Variants in RIPOR3 observed in about 807,000 individuals in gnomAD.
The protein encoded by RIPOR3 is family with sequence similarity 65 member C.
In RIPOR3, 95 loss-of-function variants were observed where a neutral mutation model predicts 114.3. That is an observed-to-expected ratio of 0.83 (90% CI 0.70 to 0.99). The LOEUF is 0.99. Among genes scored for constraint, RIPOR3 ranks in the 50% least tolerant of loss-of-function variants. RIPOR3 has a pLI of 0.00. For synonymous variants in RIPOR3, 575 were observed against 543.8 expected (o/e 1.06, Z -0.80); for missense variants, 1,252 against 1,266.9 (o/e 0.99, Z 0.18).
At chr20:50,631,849 T>C (rs2123259485) in intron 1 of RIPOR3, among the ~76,000 whole-genome samples, 2 of 152,320 alleles carry the variant, frequency 1.3e-5, no homozygotes, top group Admixed American at 1.3e-4. Flanking sequence ...AAAGTTCTGC[T>C]TCATATCTAA....
chr20:50,648,658 AG>A (rs2085500344), intron 1 of RIPOR3, among the ~76,000 whole-genome samples: 1 of 151,966 alleles, frequency 6.6e-6, no homozygotes, highest in Non-Finnish European at 1.5e-5. Flanking sequence ...GGGAGCCCTG[AG>A]CTTGTTTTCC....
rs2083287404 is a variant in RIPOR3 at position 50,596,283 on chromosome 20, G to A, written c.1791-20C>T. On this transcript the variant is annotated intron_variant, in intron 14 of 21. Transcript: ENST00000327979. ...TCCTTTCTGAGTTGAATTGAGAACTGGGTGACCATTCCAGTTAGCAGTTCA... is the reference window on the plus strand; with the variant it reads ...TCCTTTCTGAGTTGAATTGAGAACTAGGTGACCATTCCAGTTAGCAGTTCA... 6.2e-7 allele frequency: 1 copy of A among 1,613,990 alleles called. No homozygotes were observed. Among genetic ancestry groups the A allele is most frequent in the East Asian group, 2.2e-5 (1 of 44,882 alleles).
At chr20:50,603,618 G>C (rs539461930) in intron 12 of RIPOR3, among the ~76,000 whole-genome samples, 23 of 152,342 alleles carry the variant, frequency 1.5e-4, no homozygotes, top group South Asian at 4.1e-4. Flanking sequence ...CTGTCATTAA[G>C]TATTCTGAGG....
At position 50,609,664 on chromosome 20, in the gene RIPOR3, C is replaced by A. The variant is rs758356790; in HGVS notation, c.485G>T (p.Ser162Ile). The A allele has an allele frequency of 7.2e-7, 1 of 1,394,642 alleles. No homozygotes were observed. The highest frequency in any genetic ancestry group is 1.8e-5 in the South Asian group (1 of 57,034). The allele number at this position is 1,394,642 out of a possible 1,614,324, so 86.4% of individuals were successfully genotyped here. A position where few individuals can be genotyped will look rare whatever the true frequency, so the allele number is the denominator to read the frequency against. ...IQCRLRDGAS[S>I]MQRAFARCPP... ...GCACCGGGCGAAGGCCCGCTGCATGCTGGAGGCGCCGTCGCGCAGGCGGCA... is the reference window on the plus strand; with the variant it reads ...GCACCGGGCGAAGGCCCGCTGCATGATGGAGGCGCCGTCGCGCAGGCGGCA... The change falls in exon 7 of 22, where the codon AGC (serine) becomes ATC (isoleucine). Residue 162 changes from serine to isoleucine, a missense_variant. Physicochemically the swap from Ser to Ile is moderately radical, Grantham distance 142. Coordinates refer to ENST00000327979, the MANE Select transcript of RIPOR3 (RefSeq NM_001290268.2).
intron 1 of RIPOR3, among the ~76,000 whole-genome samples, chr20:50,660,779 G>C (rs1381552763): frequency 1.5e-5 from 2 of 129,572 alleles, no homozygotes; most frequent in East Asian, 4.4e-4. Context: ...TTTTGAGACA[G>C]GGTCTTGCTC....
intron 1 of RIPOR3, among the ~76,000 whole-genome samples, chr20:50,676,029 C>G (rs920456631): frequency 6.6e-6 from 1 of 152,116 alleles, no homozygotes; most frequent in Non-Finnish European, 1.5e-5. Context: ...GAGGGAGAGA[C>G]ACAAATACAG....
At chr20:50,618,372 T>A (rs539392590) in intron 3 of RIPOR3, among the ~76,000 whole-genome samples, 1 of 151,414 alleles carries the variant, frequency 6.6e-6, no homozygotes, top group South Asian at 2.1e-4. Flanking sequence ...GAAACCACTC[T>A]TTGGCCCACA....
chr20:50,621,317 A>T (rs2084394910), intron 2 of RIPOR3, among the ~76,000 whole-genome samples: 2 of 152,186 alleles, frequency 1.3e-5, no homozygotes, highest in South Asian at 4.1e-4. Context: ...CCTGCCCAGC[A>T]TCCATCCCCT....
chr20:50,669,910 A>G lies in RIPOR3; in HGVS notation c.3+21216T>C, dbSNP rs189573057. ...AGTGGCTCATGCCTGTAATCCCAGT[A>G]CTTTGGGAGGCCAAGGCGGGTGGAT... On this transcript the variant is annotated intron_variant, in intron 1 of 21. Coordinates refer to ENST00000327979, the MANE Select transcript of RIPOR3 (RefSeq NM_001290268.2). Among the ~76,000 whole-genome samples, 411 of 151,786 alleles carry G rather than the reference A, an allele frequency of 2.7e-3. 3 individuals are homozygous for G. The highest frequency in any genetic ancestry group is 9.1e-3 in the African/African-American group (378 of 41,372).
chr20:50,650,252 C>T (rs943878114), intron 1 of RIPOR3, among the ~76,000 whole-genome samples: 3 of 152,134 alleles, frequency 2.0e-5, no homozygotes, highest in African/African-American at 7.2e-5. Context: ...GAGATCTATT[C>T]ACCTCCCAAA....
At position 50,593,157 on chromosome 20, in the gene RIPOR3, C is replaced by T; in HGVS notation, c.2252G>A (p.Gly751Glu). 1 of 1,613,678 alleles carries T rather than the reference C, an allele frequency of 6.2e-7. No individual in the cohort carries two copies. The highest frequency in any genetic ancestry group is 8.5e-7 in the Non-Finnish European group (1 of 1,180,030). ...RLLEQVVSCGGLLPGAGLPEE... is the reference protein window; with the variant it reads ...RLLEQVVSCGELLPGAGLPEE... Reference sequence around the variant, plus strand: ...TGGGAGCCCAGCTCCGGGGAGCAGCCCACCACAGCTGACCACCTGCTCCAG... The same window carrying T: ...TGGGAGCCCAGCTCCGGGGAGCAGCTCACCACAGCTGACCACCTGCTCCAG... Residue 751 changes from glycine (G) to glutamate (E), a missense_variant, in exon 18 of 22, where the codon GGG (glycine) becomes GAG (glutamate). Transcript: ENST00000327979.
At chr20:50,595,607 C>G in intron 15 of RIPOR3, 103 bp from the exon 16 acceptor site, 1 of 1,473,322 alleles carries the variant, frequency 6.8e-7, no homozygotes, top group Admixed American at 1.8e-5. Context: ...TCTTCTGTCC[C>G]GGGGGCAGCT....
At position 50,597,744 on chromosome 20, in the gene RIPOR3, C is replaced by G. The variant is rs543233183; in HGVS notation, c.1660-34G>C. 23 of 1,604,082 alleles carry G rather than the reference C, an allele frequency of 1.4e-5. No homozygotes were observed. The Admixed American group carries it at 3.9e-4, about 27-fold the overall frequency. On this transcript the variant is annotated intron_variant, in intron 13 of 21. Coordinates refer to ENST00000327979, the MANE Select transcript of RIPOR3 (RefSeq NM_001290268.2). ...GAAGTGGCCAGACCTGAGGGCAACA[C>G]CGGGCCCCACCCACCCGACTGGGAC...
chr20:50,667,539 GC>G (rs746884343), intron 1 of RIPOR3, among the ~76,000 whole-genome samples: 3 of 152,116 alleles, frequency 2.0e-5, no homozygotes, highest in Non-Finnish European at 2.9e-5. Context: ...TGATCCGCCT[GC>G]CTCGGCCTCC....
At chr20:50,662,910 C>A (rs970503771) in intron 1 of RIPOR3, among the ~76,000 whole-genome samples, 2 of 152,120 alleles carry the variant, frequency 1.3e-5, no homozygotes, top group African/African-American at 2.4e-5. Context: ...GCCTGGCCAA[C>A]ATGGTGAAAC....
At position 50,663,071 on chromosome 20, in the gene RIPOR3, C is replaced by T. The variant is rs902573486; in HGVS notation, c.3+28055G>A. On this transcript the variant is annotated intron_variant, in intron 1 of 21. Transcript: ENST00000327979. ...AAGATCTCACCACTGTACTCCAGCCCGGGTGACAGAGAGAGACTGTCTCAA... is the reference window on the plus strand; with the variant it reads ...AAGATCTCACCACTGTACTCCAGCCTGGGTGACAGAGAGAGACTGTCTCAA... Among the ~76,000 whole-genome samples the T allele has an allele frequency of 1.3e-4, 18 of 140,662 alleles. 1 individual carries two copies. The highest frequency in any genetic ancestry group is 4.3e-4 in the African/African-American group (16 of 37,130). The allele number at this position is 140,662 out of a possible 152,430, so 92.3% of individuals were successfully genotyped here.
At chr20:50,662,461 G>A (rs2123463118) in intron 1 of RIPOR3, among the ~76,000 whole-genome samples, 1 of 152,296 alleles carries the variant, frequency 6.6e-6, no homozygotes, top group East Asian at 1.9e-4. Context: ...GGGCTAGCTT[G>A]GAGCCCAGGT....
chr20:50,608,300 C>A, intron 11 of RIPOR3, 89 bp downstream of exon 11: 1 of 1,572,520 alleles, frequency 6.4e-7, no homozygotes. Context: ...TTGGCAGAGG[C>A]TGGTGCAGGA....
intron 1 of RIPOR3, among the ~76,000 whole-genome samples, chr20:50,640,459 C>G (rs1046305769): frequency 2.1e-5 from 3 of 143,222 alleles, no homozygotes; most frequent in African/African-American, 8.3e-5. Context: ...AACACACAAA[C>G]AAAAGACGCC....
Sources: gnomAD v4.1 joint callset for allele counts (sites outside exome capture counted in the v4.1 genomes callset) on GRCh38, gnomAD v4.1.1 for gene constraint, MANE v1.5 for transcripts, NCBI Gene and HGNC (gene_info 2026-07-23, HGNC 2026-07-21) for gene names.